The following UGGT2 variants were observed in gnomAD, a reference collection of about 807,000 sequenced individuals.
UGGT2 encodes the protein UDP-glucose:glycoprotein glucosyltransferase 2.
In UGGT2, 180 loss-of-function variants were observed where a neutral mutation model predicts 192.1. The ratio of observed to expected loss-of-function variants is 0.94; its 90% CI spans 0.83 to 1.06. UGGT2 has a LOEUF of 1.06. Ranked by LOEUF, UGGT2 falls within the 50% of genes least tolerant of loss-of-function variation. The pLI is 0.00. For missense variants in UGGT2, 1,849 were observed against 1,795.7 expected (o/e 1.03, Z -0.54); for synonymous variants, 580 against 591.0 (o/e 0.98, Z 0.27).
At chr13:95,952,045 G>T (rs891703657) in intron 12 of UGGT2, among the ~76,000 whole-genome samples, 2 of 139,614 alleles carry the variant, frequency 1.4e-5, no homozygotes, top group African/African-American at 5.3e-5. Context: ...GCAATAGAGC[G>T]AGACTGTCTC....
intron 2 of UGGT2, among the ~76,000 whole-genome samples, chr13:96,025,116 T>G (rs1044219008): frequency 2.6e-5 from 4 of 152,222 alleles, no homozygotes; most frequent in Non-Finnish European, 5.9e-5. Flanking sequence ...CTTCTGTCTC[T>G]GAATCAGGGG....
intron 12 of UGGT2, among the ~76,000 whole-genome samples, chr13:95,953,511 T>C (rs1566749678): frequency 6.6e-6 from 1 of 152,202 alleles, no homozygotes; most frequent in Non-Finnish European, 1.5e-5. Context: ...GAACACATTA[T>C]TGAGTAAGAT....
At chr13:95,981,941 T>A (rs2051138890) in intron 10 of UGGT2, among the ~76,000 whole-genome samples, 1 of 152,236 alleles carries the variant, frequency 6.6e-6, no homozygotes, top group Non-Finnish European at 1.5e-5. Flanking sequence ...AAAGACATTA[T>A]CATCCTTGTC....
intron 15 of UGGT2, 87 bp downstream of exon 15, chr13:95,946,950 C>T: frequency 1.5e-6 from 2 of 1,311,798 alleles, no homozygotes; most frequent in Non-Finnish European, 2.0e-6. Context: ...AAATGTAATG[C>T]AAAAATTATA....
Position 95,987,876 on chromosome 13 carries a change from G to C in UGGT2, c.932-1444C>G, listed in dbSNP as rs141891064. On this transcript the variant is annotated intron_variant, in intron 8 of 38. Coordinates refer to ENST00000376747, the MANE Select transcript of UGGT2 (RefSeq NM_020121.4). ...CTTTCCTGCTCCGGGCCCCCAAAAGGCTGGCCTATCTGAACTGCATCAATA... is the reference window on the plus strand; with the variant it reads ...CTTTCCTGCTCCGGGCCCCCAAAAGCCTGGCCTATCTGAACTGCATCAATA... Among the ~76,000 whole-genome samples, 1,301 of 152,170 alleles carry C rather than the reference G, an allele frequency of 8.5e-3. 23 individuals carry two copies. The highest frequency in any genetic ancestry group is 7.5e-3 in the Admixed American group (114 of 15,262).
At chr13:96,052,376 G>A (rs1487139115) in intron 1 of UGGT2, among the ~76,000 whole-genome samples, 1 of 152,050 alleles carries the variant, frequency 6.6e-6, no homozygotes, top group African/African-American at 2.4e-5. Context: ...TGTATATACT[G>A]ATGGGGTGAT....
At chr13:95,928,315 A>T (rs992207447) in intron 17 of UGGT2, among the ~76,000 whole-genome samples, 1 of 150,610 alleles carries the variant, frequency 6.6e-6, no homozygotes, top group Non-Finnish European at 1.5e-5. Flanking sequence ...CACCTCCCCG[A>T]CGGGACGGCT....
At chr13:95,807,780 C>T (rs74106039) in intron 38 of UGGT2, among the ~76,000 whole-genome samples, 4,288 of 123,148 alleles carry the variant, frequency 0.035, 210 homozygotes, top group African/African-American at 0.13. Flanking sequence ...TTAGCTTTGT[C>T]GTAAATCCTG....
At chr13:95,873,106 A>G (rs376032612) in intron 29 of UGGT2, among the ~76,000 whole-genome samples, 1 of 152,244 alleles carries the variant, frequency 6.6e-6, no homozygotes, top group African/African-American at 2.4e-5. Flanking sequence ...TGCAAAACAT[A>G]ATGATGAAAC....
rs1483213925 is a variant in UGGT2 at position 96,053,258 on chromosome 13, G to A, written c.55C>T (p.Leu19=). ...CCGGAGCCGAGCTGCGAAAGCCACAGCGCTGTGGAGCCTAGTAGCAGCCGC... is the reference window on the plus strand; with the variant it reads ...CCGGAGCCGAGCTGCGAAAGCCACAACGCTGTGGAGCCTAGTAGCAGCCGC... ...VVRLLLGSTA[L]WLSQLGSGTV... The change falls in exon 1 of 39, where the codon CTG becomes TTG. Residue 19 remains leucine (L), a synonymous_variant. Transcript: ENST00000376747. 2.6e-6 allele frequency: 4 copies of A among 1,566,952 alleles called. No individual in the cohort carries two copies. The East Asian group carries it at 7.1e-5, about 28-fold the overall frequency.
At chr13:96,017,261 G>T (rs1309139944) in intron 4 of UGGT2, among the ~76,000 whole-genome samples, 1 of 152,178 alleles carries the variant, frequency 6.6e-6, no homozygotes, top group African/African-American at 2.4e-5. Flanking sequence ...TGCAATGTGA[G>T]AAGGACATGA....
chr13:95,844,000 G>A (rs559148185), intron 36 of UGGT2, among the ~76,000 whole-genome samples: 150 of 151,156 alleles, frequency 9.9e-4, no homozygotes, highest in African/African-American at 3.0e-3. Context: ...TGTTCTTGTC[G>A]CCCAGGCTGG....
Position 95,895,252 on chromosome 13 carries a change from T to C in UGGT2, c.2687A>G (p.Glu896Gly). ...TCCTAAATTACTAAATGTTATCTTTTCCAACAAGTAAAAATCTTCTGCATA... is the reference window on the plus strand; with the variant it reads ...TCCTAAATTACTAAATGTTATCTTTCCCAACAAGTAAAAATCTTCTGCATA... ...DFYAEDFYLLEKITFSNLGEK... is the reference protein window; with the variant it reads ...DFYAEDFYLLGKITFSNLGEK... Residue 896 changes from glutamate to glycine, a missense_variant, in exon 23 of 39, where the codon GAA becomes GGA. Glu to Gly is a moderately conservative substitution (Grantham distance 98, BLOSUM62 -2). Transcript: ENST00000376747. 1.9e-6 allele frequency: 3 copies of C among 1,563,790 alleles called. No homozygotes were observed. The highest frequency in any genetic ancestry group is 2.6e-6 in the Non-Finnish European group (3 of 1,154,522).
At chr13:96,045,473 A>G (rs1384755351) in intron 1 of UGGT2, among the ~76,000 whole-genome samples, 1 of 152,206 alleles carries the variant, frequency 6.6e-6, no homozygotes, top group African/African-American at 2.4e-5. Flanking sequence ...ATAGTAATGG[A>G]AGTCCTAGTC....
At chr13:95,888,000 A>T (rs1326267733) in intron 25 of UGGT2, 29 bp from the exon 26 acceptor site, 1 of 1,389,140 alleles carries the variant, frequency 7.2e-7, no homozygotes, top group South Asian at 1.3e-5. Flanking sequence ...CATGTTTGAT[A>T]TTAAATAATA....
rs1441451633 is a variant in UGGT2 at position 95,927,463 on chromosome 13, TTTC to T, written c.1978-130_1978-128del. On this transcript the variant is annotated intron_variant, in intron 17 of 38. Coordinates refer to ENST00000376747, the MANE Select transcript of UGGT2 (RefSeq NM_020121.4). ...GCAATTTAGAATTATTACAATACAT[TTTC>T]TTTCTTTTTTTTTTTTTTTTTTATT... The T allele has an allele frequency of 1.4e-3, 782 of 562,752 alleles. 3 individuals are homozygous for T. Among genetic ancestry groups the T allele is most frequent in the Non-Finnish European group, 1.9e-3 (731 of 375,970 alleles). 34.9% of individuals were successfully genotyped at this position (562,752 alleles called of 1,614,324 possible).
intron 1 of UGGT2, 40 bp downstream of exon 1, chr13:96,053,115 C>T (rs965995062): frequency 4.9e-6 from 7 of 1,432,646 alleles, no homozygotes; most frequent in Non-Finnish European, 5.5e-6. Context: ...GGTGGCAGCG[C>T]GCCCACACCC....
intron 10 of UGGT2, among the ~76,000 whole-genome samples, chr13:95,976,691 T>C (rs746984766): frequency 2.0e-5 from 3 of 152,156 alleles, no homozygotes; most frequent in Non-Finnish European, 4.4e-5. Flanking sequence ...TTCACAGAAT[T>C]AGAAAAAACT....
rs558503141 is a variant in UGGT2, at chr13:95,927,279, C to T, written c.2035G>A (p.Val679Ile). Residue 679 changes from valine to isoleucine, a missense_variant, in exon 18 of 39, where the codon GTA (valine) becomes ATA (isoleucine). Transcript: ENST00000376747. ...IDFLMDRNNV[V>I]PRINTLILRT... ...AAAATCAAAGTATTTATACGGGGTA[C>T]AACATTATTCCTATCCATTAGAAAA... 4.6e-4 allele frequency: 745 copies of T among 1,611,726 alleles called. 10 individuals are homozygous for T. The South Asian group carries it at 7.8e-3, about 17-fold the overall frequency.
Sources: gnomAD v4.1 joint callset for allele counts (sites outside exome capture counted in the v4.1 genomes callset) on GRCh38, gnomAD v4.1.1 for gene constraint, MANE v1.5 for transcripts, NCBI Gene and HGNC (gene_info 2026-07-23, HGNC 2026-07-21) for gene names.